PTPRB: variants seen among roughly 807,000 people sequenced by gnomAD.
The protein encoded by PTPRB is protein tyrosine phosphatase receptor type B, also known as receptor-type tyrosine-protein phosphatase beta.
A neutral mutation model predicts 238.1 loss-of-function variants in PTPRB; 97 were observed. The ratio of observed to expected loss-of-function variants is 0.41; its 90% CI spans 0.35 to 0.48. The LOEUF is 0.48. Among genes scored for constraint, PTPRB ranks in the 20% least tolerant of loss-of-function variants. The pLI, the probability that PTPRB is intolerant of heterozygous loss-of-function variation, is 0.30. For missense variants in PTPRB, 2,292 were observed against 2,681.9 expected (o/e 0.85, Z 3.21); for synonymous variants, 970 against 995.4 (o/e 0.97, Z 0.48).
At chr12:70,586,753 C>T (rs1881953442) in intron 9 of PTPRB, among the ~76,000 whole-genome samples, 2 of 152,192 alleles carry the variant, frequency 1.3e-5, no homozygotes, top group Admixed American at 6.5e-5. Context: ...CTCTCCTTTA[C>T]AGCAAAACTC....
intron 3 of PTPRB, among the ~76,000 whole-genome samples, chr12:70,610,584 AT>A (rs1441807243): frequency 1.3e-5 from 2 of 151,912 alleles, no homozygotes; most frequent in Non-Finnish European, 2.9e-5. Flanking sequence ...CAAAGCATTC[AT>A]TTGTCCCGGT....
rs749807564 is a variant in PTPRB, at chr12:70,555,887, G to C, written c.4976C>G (p.Thr1659Ser). ...ACACTTACGGTCTATCATTGTGATA[G>C]TGCTGTCTTCAACCACCTCGCTGGT... is the stretch of plus-strand genomic sequence containing the variant. ...GMTSEVVEDS[T>S]ITMIDRPPPP... The change falls in exon 19 of 34, where the codon ACT (threonine) becomes AGT (serine). Residue 1659 changes from threonine to serine, a missense_variant. Physicochemically the swap from Thr to Ser is moderately conservative, Grantham distance 58. This residue lies in a region of PTPRB where 683 missense variants were observed against 862.0 expected (regional missense o/e 0.79). Transcript: ENST00000334414. The C allele has an allele frequency of 1.2e-6, 2 of 1,612,774 alleles. No homozygotes were observed. Among genetic ancestry groups the C allele is most frequent in the South Asian group, 1.1e-5 (1 of 91,022 alleles).
Position 70,608,991 on chromosome 12 carries a change from C to T in PTPRB, c.979+78G>A, listed in dbSNP as rs1388231794. 7 of 1,502,076 alleles carry T rather than the reference C, an allele frequency of 4.7e-6. No individual in the cohort carries two copies. In the African/African-American group the frequency reaches 9.8e-5, roughly 21 times the overall value. The allele number at this position is 1,502,076 out of a possible 1,614,324, so 93.0% of individuals were successfully genotyped here. A position where few individuals can be genotyped will look rare whatever the true frequency, so the allele number is the denominator to read the frequency against. Reference sequence around the variant, plus strand: ...CTTCATTTTTTGTATCCCTGGAACTCAAATGAAACACCAGCTTGAAAAGGC... The same window carrying T: ...CTTCATTTTTTGTATCCCTGGAACTTAAATGAAACACCAGCTTGAAAAGGC... On this transcript the variant is annotated intron_variant, in intron 4 of 33. Transcript: ENST00000334414.
chr12:70,556,797 G>A (rs1419764493), intron 18 of PTPRB, among the ~76,000 whole-genome samples: 1 of 152,130 alleles, frequency 6.6e-6, no homozygotes, highest in Non-Finnish European at 1.5e-5. Context: ...ATATAGAGAA[G>A]CAAAGTTAAG....
rs1878306767 is a variant in PTPRB, at chr12:70,560,217, TAC to T, written c.4432+452_4432+453del. On this transcript the variant is annotated intron_variant, in intron 17 of 33. Transcript: ENST00000334414. The surrounding 1 kb of genome is among the most constrained non-coding windows in gnomAD (Gnocchi z 4.2). ...GAGCATGAGTGTGCCCTGAATGGGT[TAC>T]AAGTGTGTGAAGATATTAATTCCAT... Among the ~76,000 whole-genome samples, 1 of 152,174 alleles carries T rather than the reference TAC, an allele frequency of 6.6e-6. No homozygotes were observed. Among genetic ancestry groups the T allele is most frequent in the Non-Finnish European group, 1.5e-5 (1 of 68,032 alleles).
At chr12:70,559,695 A>G in intron 17 of PTPRB, 71 bp from the exon 18 acceptor site, 1 of 1,384,006 alleles carries the variant, frequency 7.2e-7, no homozygotes, top group Non-Finnish European at 1.0e-6. Context: ...AAGATAGCTG[A>G]GCAACATCAG....
chr12:70,530,192 GTA>G (rs1334278193), intron 32 of PTPRB, among the ~76,000 whole-genome samples: 3 of 152,126 alleles, frequency 2.0e-5, no homozygotes, highest in African/African-American at 7.2e-5. Context: ...TTTATAAAAA[GTA>G]ATTTTTTGAG....
chr12:70,580,316 C>G (rs1467898586), intron 10 of PTPRB, among the ~76,000 whole-genome samples: 1 of 152,192 alleles, frequency 6.6e-6, no homozygotes, highest in African/African-American at 2.4e-5. Flanking sequence ...AACTCCACCT[C>G]TAACCATATT....
intron 3 of PTPRB, among the ~76,000 whole-genome samples, chr12:70,613,565 G>A (rs1452161414): frequency 1.3e-5 from 2 of 151,966 alleles, no homozygotes; most frequent in African/African-American, 4.8e-5. Context: ...GTCCCTTTCT[G>A]ACCTCACAAG....
rs775309429 is a variant in PTPRB, at chr12:70,559,374, G to T, written c.4683C>A (p.Tyr1561Ter). ...TCACAGATCCAAAAATTGGTTTGCT[G>T]TAAGTTTTCCAGGAATCACCACTGA... ...KTVSGDSWKT[Y>*]SKPIFGSVRT... The change falls in exon 18 of 34, where the codon TAC (tyrosine) becomes TAA (stop). Residue 1561 changes from tyrosine to a stop codon, truncating the protein, a stop_gained. Transcript: ENST00000334414. LOFTEE classifies it high-confidence loss of function. 1 of 1,613,860 alleles carries T rather than the reference G, an allele frequency of 6.2e-7. No individual in the cohort carries two copies. The highest frequency in any genetic ancestry group is 8.5e-7 in the Non-Finnish European group (1 of 1,179,754).
chr12:70,605,584 T>G (rs1883881712), intron 4 of PTPRB, among the ~76,000 whole-genome samples: 1 of 152,206 alleles, frequency 6.6e-6, no homozygotes, highest in Non-Finnish European at 1.5e-5. Flanking sequence ...TTAGAATGCA[T>G]TCAGGTAAGG....
intron 3 of PTPRB, among the ~76,000 whole-genome samples, chr12:70,621,455 A>G (rs1472923585): frequency 1.3e-5 from 2 of 152,218 alleles, no homozygotes; most frequent in African/African-American, 4.8e-5. Context: ...TCTAACTTCT[A>G]TTCAGAAGTG....
At chr12:70,579,875 A>C (rs1237281539) in intron 10 of PTPRB, among the ~76,000 whole-genome samples, 1 of 152,022 alleles carries the variant, frequency 6.6e-6, no homozygotes, top group African/African-American at 2.4e-5. Context: ...AGTAGATGAG[A>C]TTCATGATTT....
chr12:70,626,072 G>A (rs2136590985), intron 2 of PTPRB, among the ~76,000 whole-genome samples: 1 of 152,146 alleles, frequency 6.6e-6, no homozygotes, highest in South Asian at 2.1e-4. Context: ...TATTGTGTAA[G>A]TTTCCCTTCT....
Position 70,596,051 on chromosome 12 carries a change from GT to G in PTPRB, c.1255del (p.Thr419GlnfsTer6). ...RSFSVYTNGS[T>X]VPSPVKDIGI... ...GCTATAAAATAAACAGGTCTTACCT[GT>G]TGATCCATTGGTATAAACTGAAAAA... On this transcript the variant is annotated frameshift_variant, in exon 5 of 34. Transcript: ENST00000334414. LOFTEE classifies it high-confidence loss of function. The G allele has an allele frequency of 6.3e-7, 1 of 1,596,042 alleles. No individual in the cohort carries two copies. The highest frequency in any genetic ancestry group is 8.6e-7 in the Non-Finnish European group (1 of 1,168,408).
intron 33 of PTPRB, among the ~76,000 whole-genome samples, chr12:70,523,464 T>G (rs1292734586): frequency 6.6e-6 from 1 of 152,204 alleles, no homozygotes; most frequent in Non-Finnish European, 1.5e-5. Context: ...TAAGAACATA[T>G]GAAGGACCCT....
intron 3 of PTPRB, among the ~76,000 whole-genome samples, chr12:70,619,954 G>C (rs1035505517): frequency 6.6e-6 from 1 of 152,100 alleles, no homozygotes; most frequent in African/African-American, 2.4e-5. Context: ...ATAATGGACT[G>C]GTATAAAGTT....
chr12:70,631,320 C>A lies in PTPRB; in HGVS notation c.451+4351G>T, dbSNP rs1465532651. Among the ~76,000 whole-genome samples the A allele has an allele frequency of 5.3e-5, 8 of 152,238 alleles. No individual in the cohort carries two copies. The East Asian group carries it at 5.8e-4, about 11-fold the overall frequency. On this transcript the variant is annotated intron_variant, in intron 2 of 33. Transcript: ENST00000334414. ...CTTTGACAAACCTGACAAAAACAAG[C>A]AATGGGGAAAGGATTCCCTATTTAA...
In PTPRB at chr12:70,519,196, T is replaced by C. The variant is rs935794713; in HGVS notation, c.*2293A>G. On this transcript the variant is annotated 3_prime_UTR_variant, in exon 34 of 34. Transcript: ENST00000334414. ...TACATAATTCTGATACTACCCTAGA[T>C]GTTGCCAGAGTACGTGAGTGTTATT... The C allele has an allele frequency of 6.6e-6, 1 of 152,222 alleles. No homozygotes were observed. Among genetic ancestry groups the C allele is most frequent in the Non-Finnish European group, 1.5e-5 (1 of 68,040 alleles). 9.4% of individuals were successfully genotyped at this position (152,222 alleles called of 1,614,324 possible). A position where few individuals can be genotyped will look rare whatever the true frequency, so the allele number is the denominator to read the frequency against.
Sources: gnomAD v4.1 joint callset for allele counts (sites outside exome capture counted in the v4.1 genomes callset) on GRCh38, gnomAD v4.1.1 for gene constraint, gnomAD v4.1.1 regional missense constraint, Gnocchi (gnomAD v3.1) non-coding constraint, MANE v1.5 for transcripts, NCBI Gene and HGNC (gene_info 2026-07-23, HGNC 2026-07-21) for gene names.